The following FHIT variants were observed in gnomAD, a reference collection of about 807,000 sequenced individuals.
FHIT encodes bis(5'-adenosyl)-triphosphatase.
In FHIT, 19 loss-of-function variants were observed where a neutral mutation model predicts 17.9. The observed-to-expected ratio is 1.06, with a 90% CI of 0.74 to 1.56. The LOEUF is 1.56. Ranked by LOEUF, FHIT falls within the 40% of genes most tolerant of loss-of-function variation. FHIT has a pLI of 0.00. For missense variants in FHIT, 248 were observed against 189.2 expected (o/e 1.31, Z -1.82); for synonymous variants, 81 against 69.7 (o/e 1.16, Z -0.81).
intron 5 of FHIT, among the ~76,000 whole-genome samples, chr3:60,520,273 A>T (rs993817916): frequency 5.9e-5 from 9 of 151,894 alleles, no homozygotes; most frequent in African/African-American, 2.2e-4. Context: ...TGTCCAAAAA[A>T]TTTTTCTAAT....
intron 4 of FHIT, among the ~76,000 whole-genome samples, chr3:60,714,234 C>A (rs1422897456): frequency 6.7e-6 from 1 of 148,302 alleles, no homozygotes; most frequent in Non-Finnish European, 1.5e-5. Flanking sequence ...AATTCAACAA[C>A]CCTTCATGCT....
chr3:60,919,009 A>G (rs1167668246), intron 3 of FHIT, among the ~76,000 whole-genome samples: 1 of 152,220 alleles, frequency 6.6e-6, no homozygotes, highest in Non-Finnish European at 1.5e-5. Context: ...AGTTGCTTTA[A>G]TGGCAGTCAA....
rs555733600 is a variant in FHIT, at chr3:60,922,445, T to G, written c.-110-100434A>C. ...TCTTTGACCTTCACATTTGTGCCCC[T>G]TGGGACTCACAGAAAATCCTCAAAA... On this transcript the variant is annotated intron_variant, in intron 3 of 9. Transcript: ENST00000492590. Among the ~76,000 whole-genome samples, 4 of 152,354 alleles carry G rather than the reference T, an allele frequency of 2.6e-5. No individual in the cohort carries two copies. The South Asian group carries it at 8.3e-4, about 32-fold the overall frequency.
At chr3:60,991,944 C>T (rs1399622000) in intron 3 of FHIT, among the ~76,000 whole-genome samples, 1 of 152,126 alleles carries the variant, frequency 6.6e-6, no homozygotes, top group Non-Finnish European at 1.5e-5. Flanking sequence ...CATCTCTGTG[C>T]TCCAGGCCCT....
intron 5 of FHIT, among the ~76,000 whole-genome samples, chr3:60,129,702 A>G (rs1206904934): frequency 6.6e-6 from 1 of 152,092 alleles, no homozygotes; most frequent in Admixed American, 6.5e-5. Context: ...TCTCATCCCA[A>G]ATATAAACAT....
chr3:60,491,540 TCAGA>T (rs1294195288), intron 5 of FHIT, among the ~76,000 whole-genome samples: 2 of 152,318 alleles, frequency 1.3e-5, no homozygotes, highest in East Asian at 1.9e-4. Flanking sequence ...CCAGAAGATG[TCAGA>T]CAATCAATTC....
intron 1 of FHIT, among the ~76,000 whole-genome samples, chr3:61,228,657 T>C (rs1336108711): frequency 6.6e-6 from 1 of 152,214 alleles, no homozygotes; most frequent in Admixed American, 6.5e-5. Flanking sequence ...CCCCTACATC[T>C]GTTACTTAGG....
rs182604611 is a variant in FHIT at position 60,650,649 on chromosome 3, G to A, written c.-17-113670C>T. On this transcript the variant is annotated intron_variant, in intron 4 of 9. Transcript: ENST00000492590. ...TGCATGAGAAATACTTTCAATAATG[G>A]AAAACACTACATATACTACTTTATG... Among the ~76,000 whole-genome samples, 524 of 152,224 alleles carry A rather than the reference G, an allele frequency of 3.4e-3. 1 individual carries two copies. Among genetic ancestry groups the A allele is most frequent in the African/African-American group, 0.012 (485 of 41,530 alleles).
At chr3:59,950,547 CTGTT>C (rs1449942489) in intron 7 of FHIT, among the ~76,000 whole-genome samples, 3 of 2,298 alleles carry the variant, frequency 1.3e-3, no homozygotes, top group African/African-American at 1.6e-3. Context: ...TCTAAAAAAA[CTGTT>C]TGTTTACTTG....
chr3:60,897,259 T>G (rs1705871790), intron 3 of FHIT, among the ~76,000 whole-genome samples: 1 of 152,356 alleles, frequency 6.6e-6, no homozygotes, highest in South Asian at 2.1e-4. Context: ...CATATTTTCA[T>G]ATACTTAAGG....
chr3:60,496,972 CAAAA>C (rs140889391), intron 5 of FHIT, among the ~76,000 whole-genome samples: 2 of 150,482 alleles, frequency 1.3e-5, no homozygotes, highest in African/African-American at 4.9e-5. Context: ...AAACAAAAAA[CAAAA>C]AAAAACATGC....
Position 60,149,273 on chromosome 3 carries a change from G to C in FHIT, c.104-135121C>G, listed in dbSNP as rs567676997. On this transcript the variant is annotated intron_variant, in intron 5 of 9. Transcript: ENST00000492590. ...GGCACCATCAACTAGAACTCAAAGA[G>C]AGAATTTTGTATGAGGAACACAGTC... 2.0e-5 allele frequency among the ~76,000 whole-genome samples: 3 copies of C among 151,972 alleles called. No individual in the cohort carries two copies. The South Asian group carries it at 6.3e-4, about 32-fold the overall frequency.
chr3:60,955,613 T>TATACATATATATAC (rs1209887151), intron 3 of FHIT, among the ~76,000 whole-genome samples: 6 of 13,312 alleles, frequency 4.5e-4, no homozygotes, highest in Non-Finnish European at 1.8e-3. Context: ...TATATATATA[T>TATACATATATATAC]ATATATATAT....
intron 5 of FHIT, among the ~76,000 whole-genome samples, chr3:60,132,752 T>G (rs1319477595): frequency 1.3e-5 from 2 of 152,090 alleles, no homozygotes; most frequent in East Asian, 3.9e-4. Context: ...ATGCTGATTT[T>G]TATGGATCTA....
At chr3:60,465,525 C>G (rs754728823) in intron 5 of FHIT, among the ~76,000 whole-genome samples, 1 of 151,998 alleles carries the variant, frequency 6.6e-6, no homozygotes, top group Non-Finnish European at 1.5e-5. Flanking sequence ...AGTTTGAGGT[C>G]TTATATTTAA....
intron 5 of FHIT, among the ~76,000 whole-genome samples, chr3:60,148,955 T>G (rs1365347495): frequency 6.6e-6 from 1 of 152,192 alleles, no homozygotes; most frequent in Non-Finnish European, 1.5e-5. Context: ...CTCTTTGACC[T>G]TGAACAGTAA....
At chr3:60,390,042 C>T (rs1701159717) in intron 5 of FHIT, among the ~76,000 whole-genome samples, 1 of 152,104 alleles carries the variant, frequency 6.6e-6, no homozygotes, top group Non-Finnish European at 1.5e-5. Flanking sequence ...CTCTCTGTTG[C>T]AAAACTGTTG....
chr3:60,730,020 A>G, intron 4 of FHIT: 2 of 376,328 alleles, frequency 5.3e-6, no homozygotes, highest in Non-Finnish European at 1.1e-5. Flanking sequence ...ACAGTAAACT[A>G]TGAGTTTGGA....
intron 3 of FHIT, among the ~76,000 whole-genome samples, chr3:61,041,024 A>G (rs1421706843): frequency 3.9e-5 from 6 of 152,080 alleles, no homozygotes; most frequent in African/African-American, 1.4e-4. Flanking sequence ...TGCATCTTGG[A>G]CACTGGATGT....
Sources: gnomAD v4.1 joint callset for allele counts (sites outside exome capture counted in the v4.1 genomes callset) on GRCh38, gnomAD v4.1.1 for gene constraint, MANE v1.5 for transcripts, NCBI Gene and HGNC (gene_info 2026-07-23, HGNC 2026-07-21) for gene names.